LSAMP: variants seen among roughly 807,000 people sequenced by gnomAD.
LSAMP encodes limbic system associated membrane protein, also known as limbic system-associated membrane protein.
A neutral mutation model predicts 38.6 loss-of-function variants in LSAMP; 7 were observed. That is an observed-to-expected ratio of 0.18 (90% CI 0.10 to 0.34). LSAMP has a LOEUF of 0.34. LSAMP is among the 10% of genes least tolerant of loss of function. The pLI is 1.00. For missense variants in LSAMP, 313 were observed against 420.0 expected (o/e 0.75, Z 2.23); for synonymous variants, 154 against 166.8 (o/e 0.92, Z 0.59).
chr3:116,006,496 A>G (rs114608135), intron 3 of LSAMP, among the ~76,000 whole-genome samples: 87 of 152,308 alleles, frequency 5.7e-4, no homozygotes, highest in African/African-American at 2.0e-3. Flanking sequence ...AAATGGGATT[A>G]TTTAGTTATA....
intron 3 of LSAMP, among the ~76,000 whole-genome samples, chr3:115,890,394 C>G (rs528258153): frequency 6.6e-6 from 1 of 151,922 alleles, no homozygotes; most frequent in Non-Finnish European, 1.5e-5. Context: ...ATTTACTCCT[C>G]TATTATCTCT....
chr3:115,888,112 C>T (rs1233586702), intron 3 of LSAMP, among the ~76,000 whole-genome samples: 4 of 151,812 alleles, frequency 2.6e-5, no homozygotes, highest in Non-Finnish European at 5.9e-5. Flanking sequence ...ACTCAAAATA[C>T]ATTTACTTGT....
chr3:116,054,626 A>G (rs1008719610), intron 2 of LSAMP, among the ~76,000 whole-genome samples: 3 of 152,254 alleles, frequency 2.0e-5, no homozygotes, highest in Non-Finnish European at 4.4e-5. Context: ...TATATTACTT[A>G]TAATCAACAC....
intron 2 of LSAMP, among the ~76,000 whole-genome samples, chr3:116,082,411 G>C (rs1707890013): frequency 6.6e-6 from 1 of 152,184 alleles, no homozygotes; most frequent in Non-Finnish European, 1.5e-5. Flanking sequence ...AGAGCACAAT[G>C]ATTCAGAAGT....
At chr3:116,202,757 A>T (rs986270317) in intron 1 of LSAMP, among the ~76,000 whole-genome samples, 1 of 152,076 alleles carries the variant, frequency 6.6e-6, no homozygotes, top group African/African-American at 2.4e-5. Flanking sequence ...AATATATTCA[A>T]CACTAGTTCC....
At chr3:116,077,526 T>C (rs1472557144) in intron 2 of LSAMP, among the ~76,000 whole-genome samples, 2 of 152,180 alleles carry the variant, frequency 1.3e-5, no homozygotes, top group African/African-American at 4.8e-5. Flanking sequence ...ATGCTGTATT[T>C]AATATTTAAT....
intron 1 of LSAMP, among the ~76,000 whole-genome samples, chr3:116,256,347 G>T (rs563076202): frequency 6.6e-6 from 1 of 152,136 alleles, no homozygotes; most frequent in Non-Finnish European, 1.5e-5. Flanking sequence ...GCACACAAGC[G>T]TGGAAAGATA....
chr3:115,831,528 A>C (rs1934611629), intron 6 of LSAMP, among the ~76,000 whole-genome samples: 1 of 152,182 alleles, frequency 6.6e-6, no homozygotes, highest in South Asian at 2.1e-4. Context: ...CACTTCCATT[A>C]TGAAGAAGAG....
chr3:115,889,971 C>T lies in LSAMP; in HGVS notation c.515-37354G>A, dbSNP rs4831204. Among the ~76,000 whole-genome samples the T allele has an allele frequency of 1.4e-3, 214 of 152,040 alleles. 7 individuals are homozygous for T. The East Asian group carries it at 0.031, about 22-fold the overall frequency. On this transcript the variant is annotated intron_variant, in intron 3 of 6. Coordinates refer to ENST00000490035, the MANE Select transcript of LSAMP (RefSeq NM_002338.5). ...CTAGCAAAAACACACTCTTTTGCAA[C>T]TCTCCCATTTGTTATTGTTTGCAGA...
At chr3:116,350,960 T>A (rs906776185) in intron 1 of LSAMP, among the ~76,000 whole-genome samples, 2 of 152,064 alleles carry the variant, frequency 1.3e-5, no homozygotes, top group Admixed American at 6.6e-5. Flanking sequence ...CATCCATGGT[T>A]TCAGGCGTCA....
At chr3:116,427,234 C>G (rs2049211306) in intron 1 of LSAMP, among the ~76,000 whole-genome samples, 1 of 150,976 alleles carries the variant, frequency 6.6e-6, no homozygotes, top group Admixed American at 6.6e-5. Context: ...CATTCTCCTG[C>G]CTCAGCCTCC....
chr3:116,110,216 A>T (rs1388832468), intron 1 of LSAMP, among the ~76,000 whole-genome samples: 4 of 152,038 alleles, frequency 2.6e-5, no homozygotes, highest in African/African-American at 9.7e-5. Context: ...CCAGAAAAGC[A>T]GAGAAGGGGT....
chr3:116,004,669 C>T (rs1042141092), intron 3 of LSAMP, among the ~76,000 whole-genome samples: 19 of 151,278 alleles, frequency 1.3e-4, no homozygotes, highest in Non-Finnish European at 1.8e-4. Context: ...TATGTATGTA[C>T]TTTTATACCA....
chr3:116,154,027 T>A (rs1709683880), intron 1 of LSAMP, among the ~76,000 whole-genome samples: 1 of 152,070 alleles, frequency 6.6e-6, no homozygotes, highest in African/African-American at 2.4e-5. Flanking sequence ...GTAACAATAG[T>A]CTATGACATA....
intron 1 of LSAMP, among the ~76,000 whole-genome samples, chr3:116,093,567 GTAGT>G (rs1708167846): frequency 6.6e-6 from 1 of 152,318 alleles, no homozygotes; most frequent in South Asian, 2.1e-4. Context: ...TTATAAGTTA[GTAGT>G]TAATCATGCC....
chr3:116,404,389 C>G (rs1009479824), intron 1 of LSAMP, among the ~76,000 whole-genome samples: 7 of 152,098 alleles, frequency 4.6e-5, no homozygotes, highest in Admixed American at 1.3e-4. Flanking sequence ...CAGTTAGTAC[C>G]AGACTGGCTT....
intron 1 of LSAMP, among the ~76,000 whole-genome samples, chr3:116,169,076 A>G (rs1377303169): frequency 1.3e-5 from 2 of 152,142 alleles, no homozygotes; most frequent in Non-Finnish European, 2.9e-5. Flanking sequence ...GTGATGGCAC[A>G]TGGCTGTAGT....
At position 115,804,143 on chromosome 3, in the gene LSAMP, T is replaced by C. The variant is rs1258188230; in HGVS notation, c.*6174A>G. On this transcript the variant is annotated 3_prime_UTR_variant, in exon 7 of 7. Transcript: ENST00000490035. ...ATTTACAGACCCAGTCCAGAGTCCC[T>C]GTATTCTAGCAGTTTTGGGTTTAGA... The C allele has an allele frequency of 6.6e-6, 1 of 152,216 alleles. No homozygotes were observed. The highest frequency in any genetic ancestry group is 1.5e-5 in the Non-Finnish European group (1 of 68,036). 9.4% of individuals were successfully genotyped at this position (152,216 alleles called of 1,614,324 possible).
chr3:116,442,901 A>G (rs1344924567), intron 1 of LSAMP, among the ~76,000 whole-genome samples: 1 of 152,260 alleles, frequency 6.6e-6, no homozygotes, highest in African/African-American at 2.4e-5. Context: ...ATATGTATAC[A>G]GTGAGACTGC....
Sources: allele counts gnomAD v4.1 joint callset (sites outside exome capture counted in the v4.1 genomes callset), GRCh38; gene constraint gnomAD v4.1.1; transcripts MANE v1.5; gene names NCBI Gene and HGNC (gene_info 2026-07-23, HGNC 2026-07-21).